The following TMEM132E variants were observed in gnomAD, a reference collection of about 807,000 sequenced individuals.
TMEM132E encodes transmembrane protein 132E.
TMEM132E carries 49 observed loss-of-function variants against 78.5 expected under a neutral mutation model. The observed-to-expected ratio is 0.62, with a 90% confidence interval of 0.50 to 0.79. The LOEUF is 0.79. Ranked by LOEUF, TMEM132E falls within the 30% of genes least tolerant of loss-of-function variation. The pLI is 0.00. For missense variants in TMEM132E, 1,403 were observed against 1,470.9 expected (o/e 0.95, Z 0.75); for synonymous variants, 715 against 670.6 (o/e 1.07, Z -1.02).
intron 1 of TMEM132E, among the ~76,000 whole-genome samples, chr17:34,585,401 C>T (rs1905635113): frequency 6.6e-6 from 1 of 152,172 alleles, no homozygotes; most frequent in Non-Finnish European, 1.5e-5. Context: ...GCACCAACTC[C>T]CACCACTGGG....
chr17:34,612,692 C>G (rs140055604), intron 1 of TMEM132E, among the ~76,000 whole-genome samples: 1 of 152,160 alleles, frequency 6.6e-6, no homozygotes. Context: ...ACCTCCAGCT[C>G]AGGTCTGGGA....
rs772406178 is a variant in TMEM132E at position 34,637,522 on chromosome 17, G to A, written c.2515G>A (p.Ala839Thr). Reference sequence around the variant, plus strand: ...AGGGCCCGGCGGGGGCGAGGACGAGGCCCGGGGAGCTGGCCCGCCGGGCTC... The same window carrying A: ...AGGGCCCGGCGGGGGCGAGGACGAGACCCGGGGAGCTGGCCCGCCGGGCTC... Reference protein sequence around the residue: ...QPGPGGGEDEARGAGPPGSAL... With the variant: ...QPGPGGGEDETRGAGPPGSAL... The change falls in exon 9 of 9, where the codon GCC becomes ACC. Residue 839 changes from alanine to threonine, a missense_variant. By Grantham distance (58) the Ala-to-Thr change is moderately conservative. Coordinates refer to ENST00000631683, the MANE Select transcript of TMEM132E (RefSeq NM_001304438.2). 1 of 1,601,392 alleles carries A rather than the reference G, an allele frequency of 6.2e-7. No homozygotes were observed.
In TMEM132E at chr17:34,628,918, G is replaced by A. The variant is rs573825162; in HGVS notation, c.1146-94G>A. On this transcript the variant is annotated intron_variant, in intron 3 of 8. Coordinates refer to ENST00000631683, the MANE Select transcript of TMEM132E (RefSeq NM_001304438.2). The stretch of plus-strand genomic sequence containing the variant: ...CAGAGGGCCCCATCAGGCAGCTGCC[G>A]GGGAGGGGTGGGGTCCCCACTGAGA... 233 of 1,448,886 alleles carry A rather than the reference G, an allele frequency of 1.6e-4. 1 individual carries two copies. In the African/African-American group the frequency reaches 2.7e-3, roughly 17 times the overall value. The allele number at this position is 1,448,886 out of a possible 1,614,324, so 89.8% of individuals were successfully genotyped here. A position where few individuals can be genotyped will look rare whatever the true frequency, so the allele number is the denominator to read the frequency against.
chr17:34,600,130 C>G (rs916681433), intron 1 of TMEM132E, among the ~76,000 whole-genome samples: 1 of 152,222 alleles, frequency 6.6e-6, no homozygotes, highest in Non-Finnish European at 1.5e-5. Context: ...TCCTCTCGTT[C>G]ACTTAGTCCC....
In TMEM132E at chr17:34,636,065, A is replaced by G. The variant is rs750292208; in HGVS notation, c.2036A>G (p.Glu679Gly). The change falls in exon 8 of 9, where the codon GAG (glutamate) becomes GGG (glycine). Residue 679 changes from glutamate (E) to glycine (G), a missense_variant. Coordinates refer to ENST00000631683, the MANE Select transcript of TMEM132E (RefSeq NM_001304438.2). ...GAGACGCTGCTGACGGTGACTGAGG[A>G]GAAGGTCAGCATCACACAGCTTCAG... Reference protein sequence around the residue: ...LGETLLTVTEEKVSITQLQAQ... With the variant: ...LGETLLTVTEGKVSITQLQAQ... 1.3e-6 allele frequency: 2 copies of G among 1,582,328 alleles called. No individual in the cohort carries two copies. Among genetic ancestry groups the G allele is most frequent in the Non-Finnish European group, 8.6e-7 (1 of 1,165,914 alleles).
intron 1 of TMEM132E, among the ~76,000 whole-genome samples, chr17:34,605,784 C>A (rs1476878814): frequency 6.6e-6 from 1 of 152,188 alleles, no homozygotes; most frequent in African/African-American, 2.4e-5. Context: ...GTTGGACTCC[C>A]AGCTGCTGAT....
Position 34,626,806 on chromosome 17 carries a change from C to T in TMEM132E, c.747C>T (p.Arg249=), listed in dbSNP as rs1461033861. Residue 249 remains arginine, a synonymous_variant, in exon 2 of 9, where the codon CGC becomes CGT. Transcript: ENST00000631683. ...CGTCGGGGGGCTGCGGGGGCTCCCGCCGGGGGGCCGGGCCCGGGGTGGGGG... is the reference window on the plus strand; with the variant it reads ...CGTCGGGGGGCTGCGGGGGCTCCCGTCGGGGGGCCGGGCCCGGGGTGGGGG... The part of the protein sequence containing the change: ...PDASGGCGGS[R]RGAGPGVGAR... The T allele has an allele frequency of 9.2e-6, 14 of 1,525,344 alleles. No individual in the cohort carries two copies. The highest frequency in any genetic ancestry group is 1.2e-5 in the Non-Finnish European group (14 of 1,140,248). The allele number at this position is 1,525,344 out of a possible 1,614,324, so 94.5% of individuals were successfully genotyped here.
chr17:34,589,506 T>C (rs1905788133), intron 1 of TMEM132E, among the ~76,000 whole-genome samples: 1 of 152,170 alleles, frequency 6.6e-6, no homozygotes, highest in African/African-American at 2.4e-5. Flanking sequence ...TTACAAAAAA[T>C]CAGTTCAGGG....
At chr17:34,619,890 A>C (rs1906902943) in intron 1 of TMEM132E, among the ~76,000 whole-genome samples, 1 of 152,270 alleles carries the variant, frequency 6.6e-6, no homozygotes, top group Non-Finnish European at 1.5e-5. Flanking sequence ...ATGTGCACAC[A>C]GAGGTGAGCA....
At chr17:34,629,331 C>A in intron 4 of TMEM132E, 127 bp downstream of exon 4, 1 of 1,081,438 alleles carries the variant, frequency 9.2e-7, no homozygotes, top group Non-Finnish European at 1.3e-6. Flanking sequence ...AGACTTCCTG[C>A]CATGCCCAGG....
Position 34,580,811 on chromosome 17 carries a change from A to G in TMEM132E, c.-266A>G. 2.5e-6 allele frequency: 1 copy of G among 398,734 alleles called. No homozygotes were observed. The highest frequency in any genetic ancestry group is 4.5e-6 in the Non-Finnish European group (1 of 223,534). 24.7% of individuals were successfully genotyped at this position (398,734 alleles called of 1,614,324 possible). A position where few individuals can be genotyped will look rare whatever the true frequency, so the allele number is the denominator to read the frequency against. Reference sequence around the variant, plus strand: ...ACGTGCAGCTCCCCCCGCGCCTCGCAGATCCTGCAGGGGGCACCAGCTGGG... The same window carrying G: ...ACGTGCAGCTCCCCCCGCGCCTCGCGGATCCTGCAGGGGGCACCAGCTGGG... On this transcript the variant is annotated 5_prime_UTR_variant, in exon 1 of 9. Coordinates refer to ENST00000631683, the MANE Select transcript of TMEM132E (RefSeq NM_001304438.2).
intron 1 of TMEM132E, among the ~76,000 whole-genome samples, chr17:34,599,318 A>C (rs1906157884): frequency 6.6e-6 from 1 of 152,202 alleles, no homozygotes; most frequent in South Asian, 2.1e-4. Context: ...GCACCTGCTA[A>C]TGCTGCTCAA....
intron 1 of TMEM132E, among the ~76,000 whole-genome samples, chr17:34,610,584 A>G: frequency 6.6e-6 from 1 of 152,228 alleles, no homozygotes; most frequent in Non-Finnish European, 1.5e-5. Context: ...GACATGTGAC[A>G]CTGATACTGG....
Position 34,626,240 on chromosome 17 carries a change from G to C in TMEM132E, c.181G>C (p.Ala61Pro), listed in dbSNP as rs776774685. The C allele has an allele frequency of 2.5e-6, 4 of 1,595,272 alleles. No homozygotes were observed. In the East Asian group the frequency reaches 6.8e-5, roughly 27 times the overall value. Residue 61 changes from alanine to proline, a missense_variant, in exon 2 of 9, where the codon GCG becomes CCG. By Grantham distance (27) the Ala-to-Pro change is conservative (BLOSUM62 -1). This residue lies in a region of TMEM132E where 511 missense variants were observed against 499.0 expected (regional missense o/e 1.02). Coordinates refer to ENST00000631683, the MANE Select transcript of TMEM132E (RefSeq NM_001304438.2). ...GCGGCTGGCCTTCTTCCTGCGGGAG[G>C]CGCGGCCCCCGTCACCCGCGGTCGC... Reference protein sequence around the residue: ...HTRLAFFLREARPPSPAVANS... With the variant: ...HTRLAFFLREPRPPSPAVANS...
At chr17:34,581,268 T>C in intron 1 of TMEM132E, 125 bp downstream of exon 1, 1 of 917,372 alleles carries the variant, frequency 1.1e-6, no homozygotes, top group East Asian at 3.4e-5. Context: ...GGGTTTGGCG[T>C]CTCTGGCTGC....
chr17:34,611,184 G>T (rs1045507755), intron 1 of TMEM132E, among the ~76,000 whole-genome samples: 1 of 152,262 alleles, frequency 6.6e-6, no homozygotes, highest in Non-Finnish European at 1.5e-5. Flanking sequence ...AGGCACAGAG[G>T]CAGAAAGAGT....
At chr17:34,613,211 A>ACACACACGCGCGCGCGCGCG in intron 1 of TMEM132E, among the ~76,000 whole-genome samples, 7 of 115,854 alleles carry the variant, frequency 6.0e-5, no homozygotes, top group Non-Finnish European at 1.3e-4. Context: ...ACACACACAC[A>ACACACACGCGCGCGCGCGCG]CGCGCGCGCG....
Position 34,636,041 on chromosome 17 carries a change from A to G in TMEM132E, c.2012A>G (p.Glu671Gly). 1 of 1,552,162 alleles carries G rather than the reference A, an allele frequency of 6.4e-7. No individual in the cohort carries two copies. Among genetic ancestry groups the G allele is most frequent in the Non-Finnish European group, 8.7e-7 (1 of 1,151,700 alleles). Reference protein sequence around the residue: ...VSPLTEAVLGETLLTVTEEKV... With the variant: ...VSPLTEAVLGGTLLTVTEEKV... Reference sequence around the variant, plus strand: ...CCGCTGACGGAGGCTGTGCTCGGGGAGACGCTGCTGACGGTGACTGAGGAG... The same window carrying G: ...CCGCTGACGGAGGCTGTGCTCGGGGGGACGCTGCTGACGGTGACTGAGGAG... Residue 671 changes from glutamate (E) to glycine (G), a missense_variant, in exon 8 of 9, where the codon GAG becomes GGG. Glu to Gly is a moderately conservative substitution (Grantham distance 98). Transcript: ENST00000631683.
At chr17:34,625,111 G>A (rs546210130) in intron 1 of TMEM132E, among the ~76,000 whole-genome samples, 31 of 152,290 alleles carry the variant, frequency 2.0e-4, no homozygotes, top group Admixed American at 1.6e-3. Flanking sequence ...TACTGTGTGG[G>A]GGAGGAGAAT....
Sources: allele counts gnomAD v4.1 joint callset (sites outside exome capture counted in the v4.1 genomes callset), GRCh38; gene constraint gnomAD v4.1.1; regional missense constraint gnomAD v4.1.1; transcripts MANE v1.5; gene names NCBI Gene and HGNC (gene_info 2026-07-23, HGNC 2026-07-21).